Variants in TINAGL1 observed in about 807,000 individuals in gnomAD.
The protein encoded by TINAGL1 is tubulointerstitial nephritis antigen like 1.
Under a neutral mutation model 62.0 loss-of-function variants are expected in TINAGL1, and 34 were observed. That is an observed-to-expected ratio of 0.55 (90% CI 0.42 to 0.73). The LOEUF is 0.73. Among genes scored for constraint, TINAGL1 ranks in the 30% least tolerant of loss-of-function variants. The pLI is 0.00. For synonymous variants in TINAGL1, 221 were observed against 249.7 expected, an observed-to-expected ratio of 0.88 and a Z score of 1.08; for missense variants, 516 against 653.2, an observed-to-expected ratio of 0.79 and a Z score of 2.29.
At chr1:31,580,912 A>C in intron 3 of TINAGL1, 3 of 475,026 alleles carry the variant, frequency 6.3e-6, no homozygotes, top group Non-Finnish European at 8.3e-6. Flanking sequence ...AAGACAACAA[A>C]TGAGTATATT....
At position 31,585,856 on chromosome 1, in the gene TINAGL1, C is replaced by A. The variant is rs1314003573; in HGVS notation, c.1197C>A (p.Thr399=). 1 of 1,599,966 alleles carries A rather than the reference C, an allele frequency of 6.3e-7. No individual in the cohort carries two copies. Among genetic ancestry groups the A allele is most frequent in the South Asian group, 1.1e-5 (1 of 88,824 alleles). Residue 399 remains threonine (T), a synonymous_variant, in exon 10 of 12, where the codon ACC becomes ACA. Coordinates refer to ENST00000271064, the MANE Select transcript of TINAGL1 (RefSeq NM_022164.3). This position sits in a 1 kb window ranked among gnomAD's most constrained non-coding sequence, Gnocchi z 4.3. ...CAGAGAGATACCGCCGGCATGGGAC[C>A]CACTCAGTCAAGATCACAGGGTGAG... is the stretch of plus-strand genomic sequence containing the variant. The part of the protein sequence containing the change: ...GRPERYRRHG[T]HSVKITGWGE...
In TINAGL1 at chr1:31,577,037, C is replaced by T; in HGVS notation, c.-15-97C>T. 8.8e-7 allele frequency: 1 copy of T among 1,138,674 alleles called. No homozygotes were observed. Among genetic ancestry groups the T allele is most frequent in the Non-Finnish European group, 1.2e-6 (1 of 835,152 alleles). The allele number at this position is 1,138,674 out of a possible 1,614,324, so 70.5% of individuals were successfully genotyped here. On this transcript the variant is annotated intron_variant, in intron 1 of 11. Coordinates refer to ENST00000271064, the MANE Select transcript of TINAGL1 (RefSeq NM_022164.3). This position sits in a 1 kb window ranked among gnomAD's most constrained non-coding sequence, Gnocchi z 5.4. ...GGACTCAGGAATCGGGATCTCCCTC[C>T]CTGCTGGGCCCTCTTGAACTCACAG...
chr1:31,585,598 A>C lies in TINAGL1; in HGVS notation c.1093+113A>C. 6.5e-7 allele frequency: 1 copy of C among 1,542,108 alleles called. No homozygotes were observed. Among genetic ancestry groups the C allele is most frequent in the Non-Finnish European group, 8.8e-7 (1 of 1,138,000 alleles). On this transcript the variant is annotated intron_variant, in intron 9 of 11. Coordinates refer to ENST00000271064, the MANE Select transcript of TINAGL1 (RefSeq NM_022164.3). The surrounding 1 kb of genome is among the most constrained non-coding windows in gnomAD (Gnocchi z 4.3). Reference sequence around the variant, plus strand: ...CAGCAGCATGTCCAGTAGGGCCAGGAGTAGGGGTCCCCCCCTCCCACAGGC... The same window carrying C: ...CAGCAGCATGTCCAGTAGGGCCAGGCGTAGGGGTCCCCCCCTCCCACAGGC...
chr1:31,578,514 G>A (rs1271448448), intron 2 of TINAGL1, among the ~76,000 whole-genome samples: 3 of 145,272 alleles, frequency 2.1e-5, no homozygotes, highest in African/African-American at 7.7e-5. Context: ...GTGTGTGTGT[G>A]TGATGTCTTC....
In TINAGL1 at chr1:31,583,459, AGCTG is replaced by A; in HGVS notation, c.469_472del (p.Trp157ArgfsTer11). ...GACTTCCTTCCGTCCCCTCTCCTTCAGCTGGCAGGCTGGGAACCACAGCGCCTTC... is the reference window on the plus strand; with the variant it reads ...GACTTCCTTCCGTCCCCTCTCCTTCAGCAGGCTGGGAACCACAGCGCCTTC... On this transcript the variant is annotated splice_acceptor_variant and coding_sequence_variant, in exon 5 of 12. Coordinates refer to ENST00000271064, the MANE Select transcript of TINAGL1 (RefSeq NM_022164.3). LOFTEE classifies it high-confidence loss of function. This position sits in a 1 kb window ranked among gnomAD's most constrained non-coding sequence, Gnocchi z 4.4. 1 of 1,613,098 alleles carries A rather than the reference AGCTG, an allele frequency of 6.2e-7. No individual in the cohort carries two copies. The highest frequency in any genetic ancestry group is 8.5e-7 in the Non-Finnish European group (1 of 1,179,576).
chr1:31,584,937 T>A lies in TINAGL1; in HGVS notation c.758T>A (p.Val253Asp). 2 of 1,612,202 alleles carry A rather than the reference T, an allele frequency of 1.2e-6. No individual in the cohort carries two copies. The highest frequency in any genetic ancestry group is 1.7e-6 in the Non-Finnish European group (2 of 1,178,364). The change falls in exon 7 of 12, where the codon GTC becomes GAC. Residue 253 changes from valine (V) to aspartate (D), a missense_variant. Coordinates refer to ENST00000271064, the MANE Select transcript of TINAGL1 (RefSeq NM_022164.3). The surrounding 1 kb of genome is among the most constrained non-coding windows in gnomAD (Gnocchi z 4.0). ...SIHSLGHMTP[V>D]LSPQNLLSCD... ...CATTCTCTGGGACACATGACGCCTG[T>A]CCTGTCGCCCCAGAACCTGCTGTCT... is the stretch of plus-strand genomic sequence containing the variant.
intron 10 of TINAGL1, chr1:31,586,149 T>C: frequency 2.8e-6 from 1 of 360,624 alleles, no homozygotes; most frequent in Non-Finnish European, 5.0e-6. Flanking sequence ...TCTCAACCTC[T>C]CCCCACCTCA....
rs977835503 is a variant in TINAGL1, at chr1:31,580,209, C to G, written c.374+942C>G. 216 of 559,920 alleles carry G rather than the reference C, an allele frequency of 3.9e-4. No individual in the cohort carries two copies. In the East Asian group the frequency reaches 4.1e-3, roughly 11 times the overall value. The allele number at this position is 559,920 out of a possible 1,614,324, so 34.7% of individuals were successfully genotyped here. A position where few individuals can be genotyped will look rare whatever the true frequency, so the allele number is the denominator to read the frequency against. On this transcript the variant is annotated intron_variant, in intron 3 of 11. Coordinates refer to ENST00000271064, the MANE Select transcript of TINAGL1 (RefSeq NM_022164.3). ...TCTCTCTCTCTCTCTCTCTCTCTCT[C>G]TCTGTCTCTCTCTCTCTGTCTCTCT... is the stretch of plus-strand genomic sequence containing the variant.
At chr1:31,578,275 T>TGTGTGA (rs773284997) in intron 2 of TINAGL1, 1 of 557,634 alleles carries the variant, frequency 1.8e-6, no homozygotes, top group South Asian at 7.4e-5. Context: ...TGTGTGTGTG[T>TGTGTGA]GATGTCTTCA....
At chr1:31,579,682 C>G (rs1421038915) in intron 3 of TINAGL1, 5 of 169,564 alleles carry the variant, frequency 2.9e-5, no homozygotes, top group Non-Finnish European at 1.3e-5. Context: ...GCCAGCCAGC[C>G]TCTAGCAGGG....
At chr1:31,580,205 CTCTCTCTG>C (rs1557557931) in intron 3 of TINAGL1, 152 of 493,614 alleles carry the variant, frequency 3.1e-4, no homozygotes, top group Admixed American at 1.2e-3. Context: ...CTCTCTCTCT[CTCTCTCTG>C]TCTCTCTCTC....
chr1:31,584,501 G>C lies in TINAGL1; in HGVS notation c.583-177G>C, dbSNP rs1368014392. On this transcript the variant is annotated intron_variant, in intron 5 of 11. Transcript: ENST00000271064. The surrounding 1 kb of genome is among the most constrained non-coding windows in gnomAD (Gnocchi z 4.0). ...CCTGATACCTGGGAGGCACTAAATG[G>C]TGCTTGGTTCTTCAACACAAGTCAA... 4.1e-6 allele frequency: 4 copies of C among 981,656 alleles called. No homozygotes were observed. The highest frequency in any genetic ancestry group is 5.1e-5 in the Admixed American group (2 of 39,472). The allele number at this position is 981,656 out of a possible 1,614,324, so 60.8% of individuals were successfully genotyped here. A position where few individuals can be genotyped will look rare whatever the true frequency, so the allele number is the denominator to read the frequency against.
At chr1:31,578,713 G>A (rs532752814) in intron 2 of TINAGL1, among the ~76,000 whole-genome samples, 1 of 143,656 alleles carries the variant, frequency 7.0e-6, no homozygotes, top group Non-Finnish European at 1.5e-5. Flanking sequence ...TAATCTCAGT[G>A]AGAGCTGGTG....
In TINAGL1 at chr1:31,584,271, C is replaced by T. The variant is rs751554398; in HGVS notation, c.583-407C>T. On this transcript the variant is annotated intron_variant, in intron 5 of 11. Coordinates refer to ENST00000271064, the MANE Select transcript of TINAGL1 (RefSeq NM_022164.3). The surrounding 1 kb of genome is among the most constrained non-coding windows in gnomAD (Gnocchi z 4.0). The stretch of plus-strand genomic sequence containing the variant: ...TTTGTGTTGGCAGACTGCCTGGTCA[C>T]GGGACCCTACTGCCTCTTCCCTCCC... 7 of 188,736 alleles carry T rather than the reference C, an allele frequency of 3.7e-5. No homozygotes were observed. Among genetic ancestry groups the T allele is most frequent in the Non-Finnish European group, 5.6e-5 (5 of 89,702 alleles). 11.7% of individuals were successfully genotyped at this position (188,736 alleles called of 1,614,324 possible).
At position 31,583,490 on chromosome 1, in the gene TINAGL1, G is replaced by C; in HGVS notation, c.497G>C (p.Trp166Ser). 1 of 1,613,998 alleles carries C rather than the reference G, an allele frequency of 6.2e-7. No individual in the cohort carries two copies. The highest frequency in any genetic ancestry group is 8.5e-7 in the Non-Finnish European group (1 of 1,179,980). ...GWQAGNHSAF[W>S]GMTLDEGIRY... is the part of the protein sequence containing the mutation. ...CAGGCTGGGAACCACAGCGCCTTCT[G>C]GGGCATGACCCTGGATGAGGGCATT... is the stretch of plus-strand genomic sequence containing the variant. Residue 166 changes from tryptophan (W) to serine (S), a missense_variant, in exon 5 of 12, where the codon TGG (tryptophan) becomes TCG (serine). By Grantham distance (177) the Trp-to-Ser change is radical. Transcript: ENST00000271064. This position sits in a 1 kb window ranked among gnomAD's most constrained non-coding sequence, Gnocchi z 4.4.
At chr1:31,581,837 G>T (rs1157605434) in intron 3 of TINAGL1, among the ~76,000 whole-genome samples, 1 of 152,198 alleles carries the variant, frequency 6.6e-6, no homozygotes, top group Non-Finnish European at 1.5e-5. Context: ...AGATCACACA[G>T]CCAGTGGGCT....
intron 10 of TINAGL1, 54 bp from the exon 11 acceptor site, chr1:31,586,656 C>T: frequency 6.4e-7 from 1 of 1,551,746 alleles, no homozygotes; most frequent in Non-Finnish European, 8.7e-7. Context: ...GGGATTGGAG[C>T]TCCTGAGAGC....
Position 31,577,573 on chromosome 1 carries a change from T to A in TINAGL1, c.310+115T>A. On this transcript the variant is annotated intron_variant, in intron 2 of 11. Transcript: ENST00000271064. The surrounding 1 kb of genome is among the most constrained non-coding windows in gnomAD (Gnocchi z 5.4). The stretch of plus-strand genomic sequence containing the variant: ...TTTCCAGGGGAAGCTCTGTAGAATC[T>A]GGGACTCTTCCCTGCCCCTCTGGGA... 1 of 1,183,904 alleles carries A rather than the reference T, an allele frequency of 8.4e-7. No homozygotes were observed. The highest frequency in any genetic ancestry group is 1.2e-6 in the Non-Finnish European group (1 of 845,258). 73.3% of individuals were successfully genotyped at this position (1,183,904 alleles called of 1,614,324 possible).
At chr1:31,586,187 C>T (rs1344966939) in intron 10 of TINAGL1, 1 of 325,830 alleles carries the variant, frequency 3.1e-6, no homozygotes, top group Non-Finnish European at 5.6e-6. Context: ...GCCTGACCCA[C>T]CGAGTGACCT....
Sources: allele counts gnomAD v4.1 joint callset (sites outside exome capture counted in the v4.1 genomes callset), GRCh38; gene constraint gnomAD v4.1.1; non-coding constraint Gnocchi (gnomAD v3.1); transcripts MANE v1.5; gene names NCBI Gene and HGNC (gene_info 2026-07-23, HGNC 2026-07-21).